The following ITGA2 variants were observed in gnomAD, a reference collection of about 807,000 sequenced individuals.
ITGA2 encodes integrin subunit alpha 2.
ITGA2 carries 101 observed loss-of-function variants against 146.3 expected under a neutral mutation model. The ratio of observed to expected loss-of-function variants is 0.69; its 90% CI spans 0.59 to 0.81. The LOEUF (loss-of-function observed/expected upper bound fraction) is 0.81. ITGA2 is among the 40% of genes least tolerant of loss of function. The pLI is 0.00. For synonymous variants in ITGA2, 477 were observed against 487.1 expected, an observed-to-expected ratio of 0.98 and a Z score of 0.27; for missense variants, 1,281 against 1,402.7, an observed-to-expected ratio of 0.91 and a Z score of 1.39.
chr5:53,077,519 A>G (rs1484317350), intron 23 of ITGA2, among the ~76,000 whole-genome samples: 20 of 152,060 alleles, frequency 1.3e-4, no homozygotes. Flanking sequence ...TCTCTTTAAA[A>G]TGCAAATGCA....
At chr5:53,080,250 G>A (rs905227385) in intron 24 of ITGA2, among the ~76,000 whole-genome samples, 6 of 152,110 alleles carry the variant, frequency 3.9e-5, no homozygotes, top group Admixed American at 3.3e-4. Flanking sequence ...CTAAGCATGT[G>A]GGAGTTACTT....
intron 28 of ITGA2, among the ~76,000 whole-genome samples, chr5:53,087,246 G>A (rs569381541): frequency 4.6e-5 from 7 of 152,240 alleles, no homozygotes; most frequent in African/African-American, 1.7e-4. Context: ...CTTCCTCCAT[G>A]CCCCCCACTC....
At chr5:53,032,938 T>G (rs1258676098) in intron 2 of ITGA2, among the ~76,000 whole-genome samples, 5 of 152,072 alleles carry the variant, frequency 3.3e-5, no homozygotes, top group Admixed American at 1.3e-4. Flanking sequence ...CTTATCAAAC[T>G]GGAATGTTAT....
chr5:52,995,310 C>T (rs1363126352), intron 1 of ITGA2, among the ~76,000 whole-genome samples: 15 of 152,080 alleles, frequency 9.9e-5, no homozygotes, highest in Non-Finnish European at 2.2e-4. Context: ...GGATGGAGGC[C>T]AGGTGGAAAG....
chr5:52,999,620 C>T (rs1741469584), intron 1 of ITGA2, among the ~76,000 whole-genome samples: 1 of 151,840 alleles, frequency 6.6e-6, no homozygotes. Context: ...CAGTAAGTTG[C>T]ATTACAGAAA....
intron 7 of ITGA2, among the ~76,000 whole-genome samples, chr5:53,054,204 G>A (rs1252804514): frequency 1.3e-5 from 2 of 152,092 alleles, no homozygotes; most frequent in Non-Finnish European, 2.9e-5. Context: ...AGCTCAATTT[G>A]TCTGAATCTC....
rs973209299 is a variant in ITGA2 at position 52,989,584 on chromosome 5, C to T, written c.64+52C>T. The T allele has an allele frequency of 3.1e-6, 5 of 1,598,056 alleles. No individual in the cohort carries two copies. The Admixed American group carries it at 6.7e-5, about 21-fold the overall frequency. On this transcript the variant is annotated intron_variant, in intron 1 of 29. Coordinates refer to ENST00000296585, the MANE Select transcript of ITGA2 (RefSeq NM_002203.4). Reference sequence around the variant, plus strand: ...GCTGCAGGAGGGACCCGCGCGGCTTCCTGGGGCTCGCTGGAGGGATTGGGC... The same window carrying T: ...GCTGCAGGAGGGACCCGCGCGGCTTTCTGGGGCTCGCTGGAGGGATTGGGC...
intron 10 of ITGA2, 111 bp downstream of exon 10, chr5:53,058,212 G>C (rs1744731532): frequency 1.2e-6 from 1 of 808,458 alleles, no homozygotes; most frequent in African/African-American, 1.7e-5. Context: ...CAGCCCTTCT[G>C]ATTCCTAGTC....
Position 53,055,998 on chromosome 5 carries a change from A to G in ITGA2, c.945A>G (p.Leu315=). Residue 315 remains leucine, a synonymous_variant, in exon 9 of 30, where the codon TTA becomes TTG. Coordinates refer to ENST00000296585, the MANE Select transcript of ITGA2 (RefSeq NM_002203.4). ...CTATTTTCAAGGTTCTTGGGTACTT[A>G]AACAGAAACGCCCTTGATACTAAAA... is the stretch of plus-strand genomic sequence containing the variant. ...LRFGIAVLGY[L]NRNALDTKNL... The G allele has an allele frequency of 6.2e-7, 1 of 1,609,572 alleles. No individual in the cohort carries two copies. Among genetic ancestry groups the G allele is most frequent in the East Asian group, 2.2e-5 (1 of 44,708 alleles).
chr5:53,000,897 G>GTTTTTTTTTTT (rs369482288), intron 1 of ITGA2, among the ~76,000 whole-genome samples: 65 of 97,214 alleles, frequency 6.7e-4, no homozygotes, highest in Non-Finnish European at 8.1e-4. Flanking sequence ...TTTTCTTTTT[G>GTTTTTTTTTTT]TTTTTTTTTT....
chr5:53,080,784 A>G (rs1471061898), intron 25 of ITGA2, among the ~76,000 whole-genome samples, 163 bp downstream of exon 25: 1 of 152,188 alleles, frequency 6.6e-6, no homozygotes, highest in Non-Finnish European at 1.5e-5. Context: ...TAGAAAAAAT[A>G]TTGTTACAAG....
At chr5:53,019,019 G>A (rs865848104) in intron 1 of ITGA2, among the ~76,000 whole-genome samples, 8 of 151,968 alleles carry the variant, frequency 5.3e-5, no homozygotes, top group African/African-American at 1.2e-4. Flanking sequence ...AGCGGAGATC[G>A]TGCCATTGCT....
At chr5:53,026,643 A>G (rs1742961745) in intron 1 of ITGA2, 105 bp from the exon 2 acceptor site, 1 of 1,021,446 alleles carries the variant, frequency 9.8e-7, no homozygotes, top group African/African-American at 1.6e-5. Flanking sequence ...ATAAGTAATA[A>G]TTATTAGGTC....
rs747556490 is a variant in ITGA2 at position 53,048,666 on chromosome 5, G to T, written c.526G>T (p.Val176Leu). The change falls in exon 6 of 30, where the codon GTG becomes TTG. Residue 176 changes from valine (V) to leucine (L), a missense_variant. Transcript: ENST00000296585. ...TQPCPSLIDVVVVCDESNSIY... is the reference protein window; with the variant it reads ...TQPCPSLIDVLVVCDESNSIY... ...AGCCTGCCCTTCCCTCATAGATGTT[G>T]TGGTTGTGTGTGATGAATCAAATAG... The T allele has an allele frequency of 6.2e-7, 1 of 1,614,040 alleles. No homozygotes were observed. The highest frequency in any genetic ancestry group is 8.5e-7 in the Non-Finnish European group (1 of 1,179,970).
chr5:53,038,462 G>T (rs773363286), intron 2 of ITGA2, among the ~76,000 whole-genome samples: 1 of 152,088 alleles, frequency 6.6e-6, no homozygotes, highest in African/African-American at 2.4e-5. Context: ...CAGTATGGAT[G>T]TACCCTCCCA....
chr5:53,077,157 C>A (rs886311192), intron 23 of ITGA2, among the ~76,000 whole-genome samples: 1 of 152,054 alleles, frequency 6.6e-6, no homozygotes. Flanking sequence ...ACATACAGAT[C>A]TAACTTATTC....
intron 1 of ITGA2, among the ~76,000 whole-genome samples, chr5:52,999,756 A>G (rs1741474403): frequency 6.6e-6 from 1 of 152,206 alleles, no homozygotes; most frequent in Non-Finnish European, 1.5e-5. Context: ...GAGAAATGCT[A>G]TGGTAAACAG....
intron 23 of ITGA2, among the ~76,000 whole-genome samples, chr5:53,075,709 G>A (rs929055678): frequency 6.6e-6 from 1 of 151,886 alleles, no homozygotes; most frequent in Non-Finnish European, 1.5e-5. Context: ...CCCATTCCTG[G>A]ACATTGAAGC....
intron 15 of ITGA2, 56 bp from the exon 16 acceptor site, chr5:53,067,062 T>A: frequency 6.4e-7 from 1 of 1,571,500 alleles, no homozygotes. Flanking sequence ...ATAAAGGATA[T>A]AATACGTGTG....
Sources: allele counts gnomAD v4.1 joint callset (sites outside exome capture counted in the v4.1 genomes callset), GRCh38; gene constraint gnomAD v4.1.1; transcripts MANE v1.5; gene names NCBI Gene and HGNC (gene_info 2026-07-23, HGNC 2026-07-21).